RAI1: variants seen among roughly 807,000 people sequenced by gnomAD.
RAI1 encodes retinoic acid induced 1.
A neutral mutation model predicts 123.8 loss-of-function variants in RAI1; 9 were observed. That is an observed-to-expected ratio of 0.07 (90% CI 0.04 to 0.13). RAI1 has a LOEUF of 0.13. Among genes scored for constraint, RAI1 ranks in the 10% least tolerant of loss-of-function variants. The pLI, the probability that RAI1 is intolerant of heterozygous loss-of-function variation, is 1.00. For missense variants in RAI1, 2,256 were observed against 2,545.8 expected (o/e 0.89, Z 2.45); for synonymous variants, 1,231 against 1,127.3 (o/e 1.09, Z -1.84).
At chr17:17,728,626 G>A in intron 2 of RAI1, among the ~76,000 whole-genome samples, 1 of 151,382 alleles carries the variant, frequency 6.6e-6, no homozygotes, top group African/African-American at 2.4e-5. Context: ...TTTAGGGACT[G>A]TCTTCCAGTG....
chr17:17,736,515 C>G (rs771765945), intron 2 of RAI1, among the ~76,000 whole-genome samples: 1 of 152,216 alleles, frequency 6.6e-6, no homozygotes, highest in Non-Finnish European at 1.5e-5. Context: ...GGAAGTGGGT[C>G]TTTGTGTTTC....
intron 4 of RAI1, 90 bp downstream of exon 4, chr17:17,803,939 C>A: frequency 8.3e-7 from 1 of 1,199,836 alleles, no homozygotes; most frequent in Non-Finnish European, 1.2e-6. Context: ...CAAACCCAGG[C>A]CCCATCTCAC....
chr17:17,800,670 C>G lies in RAI1; in HGVS notation c.5565+2157C>G, dbSNP rs1404962484. On this transcript the variant is annotated intron_variant, in intron 3 of 5. Transcript: ENST00000353383. This position sits in a 1 kb window ranked among gnomAD's most constrained non-coding sequence, Gnocchi z 4.7. ...CCATGCCTGTCTGCTGTGCCATGCT[C>G]CAGAAATGGCCTGACAGCCTGCGCA... Among the ~76,000 whole-genome samples the G allele has an allele frequency of 6.6e-6, 1 of 152,232 alleles. No individual in the cohort carries two copies. Among genetic ancestry groups the G allele is most frequent in the African/African-American group, 2.4e-5 (1 of 41,464 alleles).
intron 1 of RAI1, among the ~76,000 whole-genome samples, chr17:17,698,059 C>G (rs1251146702): frequency 6.6e-6 from 1 of 152,208 alleles, no homozygotes; most frequent in Admixed American, 6.5e-5. Context: ...CCTTCCTGCC[C>G]TGCAGTCCAG....
At chr17:17,765,839 G>A (rs1267223278) in intron 2 of RAI1, 1 of 152,242 alleles carries the variant, frequency 6.6e-6, no homozygotes, top group African/African-American at 2.4e-5. Flanking sequence ...CTTGGGGTGT[G>A]GCATTTCTTA....
At chr17:17,719,979 G>A (rs896846641) in intron 1 of RAI1, among the ~76,000 whole-genome samples, 1 of 152,196 alleles carries the variant, frequency 6.6e-6, no homozygotes, top group Non-Finnish European at 1.5e-5. Flanking sequence ...CCAGACCAGG[G>A]CTGAGCTTGA....
intron 1 of RAI1, among the ~76,000 whole-genome samples, chr17:17,721,569 G>C (rs1385177380): frequency 6.6e-6 from 1 of 152,146 alleles, no homozygotes; most frequent in African/African-American, 2.4e-5. Flanking sequence ...CTGATTGTGT[G>C]GGCTGTCATC....
chr17:17,769,870 C>T (rs1328382277), intron 2 of RAI1, among the ~76,000 whole-genome samples: 1 of 150,192 alleles, frequency 6.7e-6, no homozygotes, highest in Non-Finnish European at 1.5e-5. Context: ...AGAGATGGGT[C>T]GGGTGGAGGG....
intron 2 of RAI1, among the ~76,000 whole-genome samples, chr17:17,791,686 C>T (rs2032016813): frequency 6.6e-6 from 1 of 152,214 alleles, no homozygotes; most frequent in South Asian, 2.1e-4. Context: ...CTCTGGGACT[C>T]GGCCAATGGC....
chr17:17,804,930 T>G (rs2032566877), intron 4 of RAI1, among the ~76,000 whole-genome samples: 1 of 152,098 alleles, frequency 6.6e-6, no homozygotes. Flanking sequence ...TGGTGCGATC[T>G]TGGCTCACTG....
At chr17:17,726,423 CA>C (rs11308741) in intron 2 of RAI1, among the ~76,000 whole-genome samples, 94,280 of 152,152 alleles carry the variant, frequency 0.62, 30,268 homozygotes, top group African/African-American at 0.78. Context: ...CTGAAACCAG[CA>C]AGGGATTCAC....
intron 2 of RAI1, among the ~76,000 whole-genome samples, chr17:17,788,736 C>T (rs1207761941): frequency 6.6e-6 from 1 of 152,186 alleles, no homozygotes; most frequent in Non-Finnish European, 1.5e-5. Context: ...CTTTCTCCCT[C>T]TCTCCCTGCC....
chr17:17,711,259 C>T (rs1915558131), intron 1 of RAI1, among the ~76,000 whole-genome samples: 1 of 152,186 alleles, frequency 6.6e-6, no homozygotes, highest in African/African-American at 2.4e-5. Context: ...ACACACAGGC[C>T]CTGGCTGCCG....
At chr17:17,717,122 G>T (rs1190887748) in intron 1 of RAI1, among the ~76,000 whole-genome samples, 4 of 152,212 alleles carry the variant, frequency 2.6e-5, no homozygotes, top group African/African-American at 7.2e-5. Flanking sequence ...CCAGGGTCAA[G>T]AGTCAGAATG....
intron 2 of RAI1, among the ~76,000 whole-genome samples, chr17:17,754,994 G>A (rs1327511977): frequency 2.6e-5 from 4 of 152,230 alleles, no homozygotes; most frequent in South Asian, 2.1e-4. Context: ...TTTGGAGTGC[G>A]ACAGCGGGGA....
At chr17:17,705,420 A>G (rs1238637956) in intron 1 of RAI1, among the ~76,000 whole-genome samples, 6 of 152,130 alleles carry the variant, frequency 3.9e-5, no homozygotes, top group Admixed American at 1.3e-4. Context: ...ACCTGAGGTC[A>G]GGAGTTTGAG....
chr17:17,795,683 C>T lies in RAI1; in HGVS notation c.2735C>T (p.Ala912Val), dbSNP rs757918865. ...GTGGAGGAGGTGCTGGACTCCAAGG[C>T]CGGCTGGGGCTCTCCGTGCCACCTC... is the stretch of plus-strand genomic sequence containing the variant. Reference protein sequence around the residue: ...EEVEEVLDSKAGWGSPCHLSG... With the variant: ...EEVEEVLDSKVGWGSPCHLSG... Residue 912 changes from alanine (A) to valine (V), a missense_variant, in exon 3 of 6, where the codon GCC (alanine) becomes GTC (valine). Coordinates refer to ENST00000353383, the MANE Select transcript of RAI1 (RefSeq NM_030665.4). The surrounding 1 kb of genome is among the most constrained non-coding windows in gnomAD (Gnocchi z 5.9). The T allele has an allele frequency of 3.1e-6, 5 of 1,613,294 alleles. No homozygotes were observed. The East Asian group carries it at 8.9e-5, about 29-fold the overall frequency.
chr17:17,691,830 C>G (rs933365969), intron 1 of RAI1, among the ~76,000 whole-genome samples: 1 of 152,224 alleles, frequency 6.6e-6, no homozygotes, highest in Non-Finnish European at 1.5e-5. Flanking sequence ...CCAGGTGCTA[C>G]CTTCCAGCCT....
chr17:17,718,214 G>C (rs1397285831), intron 1 of RAI1, among the ~76,000 whole-genome samples: 1 of 152,106 alleles, frequency 6.6e-6, no homozygotes, highest in Non-Finnish European at 1.5e-5. Flanking sequence ...CATGGGTCGG[G>C]GTGGGTGGGC....
Sources: allele counts gnomAD v4.1 joint callset (sites outside exome capture counted in the v4.1 genomes callset), GRCh38; gene constraint gnomAD v4.1.1; non-coding constraint Gnocchi (gnomAD v3.1); transcripts MANE v1.5; gene names NCBI Gene and HGNC (gene_info 2026-07-23, HGNC 2026-07-21).